Variants in ARF4 observed in about 807,000 individuals in gnomAD.
ARF4 encodes ADP-ribosylation factor 4.
ARF4 carries 5 observed loss-of-function variants against 24.3 expected under a neutral mutation model. That is an observed-to-expected ratio of 0.21 (90% CI 0.11 to 0.43). The LOEUF (loss-of-function observed/expected upper bound fraction) is 0.43. ARF4 is among the 20% of genes least tolerant of loss of function. The pLI is 1.00. For missense variants in ARF4, 107 were observed against 213.0 expected (o/e 0.50, Z 3.10); for synonymous variants, 62 against 73.5 (o/e 0.84, Z 0.80).
At chr3:57,577,740 G>T (rs1166634396) in intron 3 of ARF4, among the ~76,000 whole-genome samples, 5 of 152,018 alleles carry the variant, frequency 3.3e-5, no homozygotes, top group Admixed American at 6.6e-5. Flanking sequence ...ACAAATCAAG[G>T]ATCCTAAAGA....
At chr3:57,591,820 C>A (rs1447122095) in intron 1 of ARF4, among the ~76,000 whole-genome samples, 1 of 152,076 alleles carries the variant, frequency 6.6e-6, no homozygotes, top group African/African-American at 2.4e-5. Flanking sequence ...GACAAAGAGG[C>A]CATAAATCAT....
chr3:57,586,219 C>G (rs1331741591), intron 1 of ARF4, among the ~76,000 whole-genome samples: 2 of 152,094 alleles, frequency 1.3e-5, no homozygotes. Flanking sequence ...CATATCTGGC[C>G]GCCTGGGTTT....
At chr3:57,582,555 T>C (rs2069987880) in intron 3 of ARF4, among the ~76,000 whole-genome samples, 1 of 152,136 alleles carries the variant, frequency 6.6e-6, no homozygotes, top group African/African-American at 2.4e-5. Flanking sequence ...CATTCTCGTT[T>C]TTAAATAAAA....
chr3:57,596,971 CCCCA>C, intron 1 of ARF4, 99 bp downstream of exon 1: 2 of 1,318,370 alleles, frequency 1.5e-6, no homozygotes, highest in Non-Finnish European at 2.1e-6. Flanking sequence ...GGCGCCCCTC[CCCCA>C]CCACAGCGGG....
intron 5 of ARF4, among the ~76,000 whole-genome samples, chr3:57,573,346 G>A (rs2069863275): frequency 6.6e-6 from 1 of 152,026 alleles, no homozygotes; most frequent in Admixed American, 6.6e-5. Context: ...TCTAGTAACT[G>A]TGTGAAAGTA....
rs1191453959 is a variant in ARF4 at position 57,571,846 on chromosome 3, G to C, written c.*366C>G. The C allele has an allele frequency of 5.5e-6, 1 of 182,428 alleles. No individual in the cohort carries two copies. The highest frequency in any genetic ancestry group is 2.4e-5 in the African/African-American group (1 of 42,172). 11.3% of individuals were successfully genotyped at this position (182,428 alleles called of 1,614,324 possible). A position where few individuals can be genotyped will look rare whatever the true frequency, so the allele number is the denominator to read the frequency against. Reference sequence around the variant, plus strand: ...ATTTTTAAATTAGCAAACTGTCTCAGGAATGATAAAGGTATCAGTAAAGTA... The same window carrying C: ...ATTTTTAAATTAGCAAACTGTCTCACGAATGATAAAGGTATCAGTAAAGTA... On this transcript the variant is annotated 3_prime_UTR_variant, in exon 6 of 6. Transcript: ENST00000303436.
chr3:57,574,408 ATT>A (rs71088093), intron 5 of ARF4, among the ~76,000 whole-genome samples: 1 of 145,250 alleles, frequency 6.9e-6, no homozygotes. Flanking sequence ...AGAAGTACAA[ATT>A]TTTTTTTTTT....
At chr3:57,587,906 T>C (rs978074118) in intron 1 of ARF4, among the ~76,000 whole-genome samples, 3 of 152,168 alleles carry the variant, frequency 2.0e-5, no homozygotes, top group African/African-American at 7.2e-5. Flanking sequence ...TAAATGCAAA[T>C]TAAGAGTTTT....
intron 3 of ARF4, among the ~76,000 whole-genome samples, chr3:57,580,055 T>C (rs1480707402): frequency 2.0e-5 from 3 of 152,104 alleles, no homozygotes; most frequent in African/African-American, 7.2e-5. Context: ...CAGTGAGCCA[T>C]GATCATGCCA....
In ARF4 at chr3:57,575,531, A is replaced by T; in HGVS notation, c.456+17T>A. 1 of 1,602,472 alleles carries T rather than the reference A, an allele frequency of 6.2e-7. No individual in the cohort carries two copies. The highest frequency in any genetic ancestry group is 8.5e-7 in the Non-Finnish European group (1 of 1,175,932). ...TCTTAATAGTCAAGAGGTTAATATC[A>T]ACCTCCAAATACTTACTGTTCTGTT... On this transcript the variant is annotated intron_variant, in intron 5 of 5. Coordinates refer to ENST00000303436, the MANE Select transcript of ARF4 (RefSeq NM_001660.4).
intron 3 of ARF4, among the ~76,000 whole-genome samples, chr3:57,582,625 C>T (rs890683077): frequency 6.6e-6 from 1 of 152,106 alleles, no homozygotes; most frequent in African/African-American, 2.4e-5. Context: ...AGCCACTCAC[C>T]TAGGGTATTC....
chr3:57,596,460 G>A (rs2070183961), intron 1 of ARF4: 1 of 152,204 alleles, frequency 6.6e-6, no homozygotes, highest in Non-Finnish European at 1.5e-5. Flanking sequence ...TTAACAAGGA[G>A]CGAAAAACTT....
chr3:57,591,153 T>A (rs765817501), intron 1 of ARF4, among the ~76,000 whole-genome samples: 2 of 152,168 alleles, frequency 1.3e-5, no homozygotes, highest in Non-Finnish European at 2.9e-5. Flanking sequence ...AAAATGGAAA[T>A]GTTTGTCAGG....
At chr3:57,590,039 G>A (rs770897504) in intron 1 of ARF4, among the ~76,000 whole-genome samples, 19 of 146,674 alleles carry the variant, frequency 1.3e-4, no homozygotes, top group African/African-American at 4.3e-4. Context: ...GCAGTGAGTC[G>A]AGATCATGCC....
intron 4 of ARF4, among the ~76,000 whole-genome samples, chr3:57,576,934 A>C (rs1559783078): frequency 1.3e-5 from 2 of 152,136 alleles, no homozygotes; most frequent in African/African-American, 4.8e-5. Flanking sequence ...CATCTGAACC[A>C]AGATTCCTAG....
chr3:57,592,026 TACACTTTAA>T (rs2070122339), intron 1 of ARF4, among the ~76,000 whole-genome samples: 1 of 152,206 alleles, frequency 6.6e-6, no homozygotes, highest in African/African-American at 2.4e-5. Context: ...CACGGAACTG[TACACTTTAA>T]CAGGGTAAAC....
chr3:57,591,402 G>GA lies in ARF4; in HGVS notation c.67+5671dup, dbSNP rs1164136803. ...GTGCTTATGTGAATTTAATGAAAAGGAAAAAAAAAAGAATGAAGTACTAAT... is the reference window on the plus strand; with the variant it reads ...GTGCTTATGTGAATTTAATGAAAAGGAAAAAAAAAAAGAATGAAGTACTAAT... On this transcript the variant is annotated intron_variant, in intron 1 of 5. Coordinates refer to ENST00000303436, the MANE Select transcript of ARF4 (RefSeq NM_001660.4). 2.0e-3 allele frequency among the ~76,000 whole-genome samples: 292 copies of GA among 143,808 alleles called. 1 individual carries two copies. Among genetic ancestry groups the GA allele is most frequent in the African/African-American group, 6.7e-3 (263 of 39,344 alleles). 94.3% of individuals were successfully genotyped at this position (143,808 alleles called of 152,430 possible). A position where few individuals can be genotyped will look rare whatever the true frequency, so the allele number is the denominator to read the frequency against.
At chr3:57,577,677 C>T (rs561606916) in intron 3 of ARF4, among the ~76,000 whole-genome samples, 13 of 152,246 alleles carry the variant, frequency 8.5e-5, no homozygotes, top group East Asian at 1.9e-4. Flanking sequence ...TGCACTCTCA[C>T]ATTTAAGTGC....
At chr3:57,589,672 C>T (rs539545939) in intron 1 of ARF4, among the ~76,000 whole-genome samples, 3 of 148,464 alleles carry the variant, frequency 2.0e-5, no homozygotes, top group East Asian at 2.1e-4. Flanking sequence ...GAGCCCATAC[C>T]GCGCCACGGC....
Sources: gnomAD v4.1 joint callset for allele counts (sites outside exome capture counted in the v4.1 genomes callset) on GRCh38, gnomAD v4.1.1 for gene constraint, MANE v1.5 for transcripts, NCBI Gene and HGNC (gene_info 2026-07-23, HGNC 2026-07-21) for gene names.